CPA5: variants seen among roughly 807,000 people sequenced by gnomAD.
The protein encoded by CPA5 is testicular tissue protein Li 32.
A neutral mutation model predicts 52.2 loss-of-function variants in CPA5; 38 were observed. The ratio of observed to expected loss-of-function variants is 0.73; its 90% CI spans 0.56 to 0.95. The LOEUF (loss-of-function observed/expected upper bound fraction) is 0.95. Ranked by LOEUF, CPA5 falls within the 40% of genes least tolerant of loss-of-function variation. The pLI, the probability that CPA5 is intolerant of heterozygous loss-of-function variation, is 0.00. For missense variants in CPA5, 519 were observed against 566.7 expected, an observed-to-expected ratio of 0.92 and a Z score of 0.86; for synonymous variants, 198 against 213.7, an observed-to-expected ratio of 0.93 and a Z score of 0.64.
Position 130,359,670 on chromosome 7 carries a change from T to A in CPA5, c.415T>A (p.Tyr139Asn). 6.3e-7 allele frequency: 1 copy of A among 1,584,674 alleles called. No individual in the cohort carries two copies. The highest frequency in any genetic ancestry group is 8.6e-7 in the Non-Finnish European group (1 of 1,165,244). ...CACCAACAGCTTCAGTTACTCATCA[T>A]ACCACACCCTGGAGGAGGTAGGTCT... The part of the protein sequence containing the change: ...RSTNSFSYSS[Y>N]HTLEEIYSWI... Residue 139 changes from tyrosine to asparagine, a missense_variant, in exon 6 of 13, where the codon TAC becomes AAC. Transcript: ENST00000474905.
At chr7:130,349,872 G>T (rs1039524939) in intron 4 of CPA5, 103 bp from the exon 5 acceptor site, 92 of 1,334,240 alleles carry the variant, frequency 6.9e-5, no homozygotes, top group Non-Finnish European at 9.1e-5. Flanking sequence ...TAGAAAGAGG[G>T]TCTCTACTGG....
intron 5 of CPA5, among the ~76,000 whole-genome samples, chr7:130,356,439 C>T (rs1240955765): frequency 2.6e-5 from 4 of 152,234 alleles, no homozygotes; most frequent in African/African-American, 9.6e-5. Flanking sequence ...TGTCATTAGG[C>T]ATTCCTCAGC....
rs1794864219 is a variant in CPA5, at chr7:130,347,839, C to A, written c.190C>A (p.Pro64Thr). 1 of 1,613,846 alleles carries A rather than the reference C, an allele frequency of 6.2e-7. No homozygotes were observed. Among genetic ancestry groups the A allele is most frequent in the East Asian group, 2.2e-5 (1 of 44,872 alleles). The change falls in exon 4 of 13, where the codon CCC (proline) becomes ACC (threonine). Residue 64 changes from proline to threonine, a missense_variant. Physicochemically the swap from Pro to Thr is conservative, Grantham distance 38 (BLOSUM62 -1). Transcript: ENST00000474905. ...SLLGDLEGLKPQKVDFWRGPA... is the reference protein window; with the variant it reads ...SLLGDLEGLKTQKVDFWRGPA... ...TCTCGGGGATCTGGAGGGCCTGAAACCCCAGAAGGTGAGGACTCCTCAGGC... is the reference window on the plus strand; with the variant it reads ...TCTCGGGGATCTGGAGGGCCTGAAAACCCAGAAGGTGAGGACTCCTCAGGC...
chr7:130,357,213 A>G (rs1795524510), intron 5 of CPA5, among the ~76,000 whole-genome samples: 1 of 152,124 alleles, frequency 6.6e-6, no homozygotes, highest in Admixed American at 6.5e-5. Context: ...ATGAACCTGA[A>G]CGTTGTAAGC....
intron 6 of CPA5, among the ~76,000 whole-genome samples, chr7:130,360,014 A>G (rs1795705903): frequency 2.6e-5 from 4 of 152,224 alleles, no homozygotes; most frequent in Admixed American, 1.3e-4. Context: ...AGCTACCTTC[A>G]TCTTGACAGA....
intron 10 of CPA5, among the ~76,000 whole-genome samples, chr7:130,364,857 G>A (rs1296384205): frequency 6.6e-6 from 1 of 152,186 alleles, no homozygotes; most frequent in East Asian, 1.9e-4. Context: ...CTCAGAGACA[G>A]GTCCATGGAC....
intron 5 of CPA5, among the ~76,000 whole-genome samples, chr7:130,358,414 A>C (rs1289789608): frequency 6.6e-6 from 1 of 152,186 alleles, no homozygotes; most frequent in Non-Finnish European, 1.5e-5. Flanking sequence ...TAGCTTTGCC[A>C]TTAAGTCCCT....
intron 4 of CPA5, among the ~76,000 whole-genome samples, chr7:130,349,374 C>T (rs1046839845): frequency 2.0e-5 from 3 of 151,952 alleles, no homozygotes; most frequent in Admixed American, 6.6e-5. Context: ...GCAAATATTG[C>T]GGTGAGCTGA....
chr7:130,360,664 A>C (rs2117406757), intron 6 of CPA5, among the ~76,000 whole-genome samples: 1 of 152,372 alleles, frequency 6.6e-6, no homozygotes, highest in East Asian at 1.9e-4. Flanking sequence ...GAAATAATAC[A>C]GTCTGTCACT....
chr7:130,368,630 C>T lies in CPA5; in HGVS notation c.*33C>T. Reference sequence around the variant, plus strand: ...ACTGAGGGCAGGAGGCTCCATCCTTCTCCCCAAGGTCTGTGGCTCCTCCCG... The same window carrying T: ...ACTGAGGGCAGGAGGCTCCATCCTTTTCCCCAAGGTCTGTGGCTCCTCCCG... On this transcript the variant is annotated 3_prime_UTR_variant, in exon 13 of 13. Coordinates refer to ENST00000474905, the MANE Select transcript of CPA5 (RefSeq NM_080385.5). 6.2e-7 allele frequency: 1 copy of T among 1,611,030 alleles called. No homozygotes were observed. The highest frequency in any genetic ancestry group is 8.5e-7 in the Non-Finnish European group (1 of 1,178,192).
At position 130,365,715 on chromosome 7, in the gene CPA5, G is replaced by A. The variant is rs1796041714; in HGVS notation, c.839-1657G>A. ...CTCAAACCAGAACTAATGGCCTAAAGTGTTTCTCCATATTTGGGCAAAGCC... is the reference window on the plus strand; with the variant it reads ...CTCAAACCAGAACTAATGGCCTAAAATGTTTCTCCATATTTGGGCAAAGCC... On this transcript the variant is annotated intron_variant, in intron 10 of 12. Transcript: ENST00000474905. Among the ~76,000 whole-genome samples the A allele has an allele frequency of 2.6e-5, 4 of 152,380 alleles. No homozygotes were observed. In the South Asian group the frequency reaches 8.3e-4, roughly 32 times the overall value.
intron 5 of CPA5, among the ~76,000 whole-genome samples, chr7:130,353,924 T>C (rs989902954): frequency 1.3e-5 from 2 of 152,248 alleles, no homozygotes; most frequent in African/African-American, 2.4e-5. Context: ...TTTCATTTTA[T>C]TGTATTTATT....
intron 7 of CPA5, among the ~76,000 whole-genome samples, chr7:130,361,657 C>T (rs1795798486): frequency 6.6e-6 from 1 of 152,170 alleles, no homozygotes; most frequent in Admixed American, 6.5e-5. Context: ...ACAGACATGC[C>T]TGAGTCTATA....
chr7:130,363,410 C>G lies in CPA5; in HGVS notation c.748-9C>G, dbSNP rs1554407361. 6.4e-7 allele frequency: 1 copy of G among 1,561,512 alleles called. No individual in the cohort carries two copies. The highest frequency in any genetic ancestry group is 8.7e-7 in the Non-Finnish European group (1 of 1,151,382). On this transcript the variant is annotated splice_polypyrimidine_tract_variant and intron_variant, in intron 9 of 12. Transcript: ENST00000474905. ...AGTGAATGAGGTCACCTGTCCTGGG[C>G]TTTCCCAGAACCGCTTATGGCGGAA...
At chr7:130,349,020 G>A (rs1218378629) in intron 4 of CPA5, among the ~76,000 whole-genome samples, 7 of 152,140 alleles carry the variant, frequency 4.6e-5, no homozygotes, top group African/African-American at 7.2e-5. Context: ...GCTTCTGTTC[G>A]TCTAACCCTT....
At chr7:130,355,251 T>A (rs1795408144) in intron 5 of CPA5, among the ~76,000 whole-genome samples, 1 of 152,030 alleles carries the variant, frequency 6.6e-6, no homozygotes, top group Admixed American at 6.5e-5. Context: ...AGCCCTGGAG[T>A]CACCCCAAAG....
At chr7:130,367,295 C>T in intron 10 of CPA5, 77 bp from the exon 11 acceptor site, 3 of 1,278,844 alleles carry the variant, frequency 2.3e-6, no homozygotes, top group Non-Finnish European at 3.4e-6. Flanking sequence ...TGTAGGGGAA[C>T]ACACAGGTAT....
chr7:130,349,934 C>T (rs1423320498), intron 4 of CPA5, 41 bp from the exon 5 acceptor site: 1 of 1,592,484 alleles, frequency 6.3e-7, no homozygotes, highest in African/African-American at 1.3e-5. Context: ...TGTGGAAGGA[C>T]ATGGAGTAAT....
intron 5 of CPA5, among the ~76,000 whole-genome samples, 191 bp from the exon 6 acceptor site, chr7:130,359,398 T>A (rs1279005910): frequency 6.6e-6 from 1 of 152,238 alleles, no homozygotes; most frequent in African/African-American, 2.4e-5. Context: ...GCAGCATGAC[T>A]GCCAGCTTGC....
Sources: gnomAD v4.1 joint callset for allele counts (sites outside exome capture counted in the v4.1 genomes callset) on GRCh38, gnomAD v4.1.1 for gene constraint, MANE v1.5 for transcripts, NCBI Gene and HGNC (gene_info 2026-07-23, HGNC 2026-07-21) for gene names.